The following GPATCH1 variants were observed in gnomAD, a reference collection of about 807,000 sequenced individuals.
GPATCH1 encodes G patch domain-containing protein 1.
A neutral mutation model predicts 114.9 loss-of-function variants in GPATCH1; 73 were observed. The observed-to-expected ratio is 0.64, with a 90% CI of 0.53 to 0.77. GPATCH1 has a LOEUF of 0.77. Among genes scored for constraint, GPATCH1 ranks in the 30% least tolerant of loss-of-function variants. The probability of loss-of-function intolerance (pLI) is 0.00; values close to 1 mark genes in which losing one functional copy is unlikely to be tolerated. For synonymous variants in GPATCH1, 391 were observed against 428.4 expected (o/e 0.91, Z 1.08); for missense variants, 1,058 against 1,144.3 (o/e 0.92, Z 1.09).
chr19:33,085,505 C>A (rs900894131), intron 1 of GPATCH1, among the ~76,000 whole-genome samples: 1 of 152,080 alleles, frequency 6.6e-6, no homozygotes, highest in Admixed American at 6.6e-5. Flanking sequence ...AGCCACTGCA[C>A]CTGACTCCCC....
In GPATCH1 at chr19:33,109,959, C is replaced by T; in HGVS notation, c.1528C>T (p.Pro510Ser). Residue 510 changes from proline (P) to serine (S), a missense_variant, in exon 11 of 20, where the codon CCG becomes TCG. Transcript: ENST00000170564. The part of the protein sequence containing the change: ...ASNFKPFAKD[P>S]EKQKRYDEFL... ...CAACTTCAAGCCTTTCGCCAAAGAT[C>T]CGGAAAAGCAAAAGCGATACGACGA... 1 of 1,614,046 alleles carries T rather than the reference C, an allele frequency of 6.2e-7. No individual in the cohort carries two copies. Among genetic ancestry groups the T allele is most frequent in the Non-Finnish European group, 8.5e-7 (1 of 1,179,994 alleles).
At chr19:33,110,076 T>A (rs1269716103) in intron 11 of GPATCH1, 60 bp downstream of exon 11, 4 of 1,398,576 alleles carry the variant, frequency 2.9e-6, no homozygotes, top group Non-Finnish European at 3.9e-6. Flanking sequence ...TTCTCACTGT[T>A]CTCATCCTAG....
chr19:33,098,107 G>A (rs1972684600), intron 8 of GPATCH1, among the ~76,000 whole-genome samples: 1 of 152,224 alleles, frequency 6.6e-6, no homozygotes, highest in Non-Finnish European at 1.5e-5. Flanking sequence ...CTGTCAAGGT[G>A]GGGCCCAGGT....
At chr19:33,106,556 G>A in intron 9 of GPATCH1, 139 bp from the exon 10 acceptor site, 1 of 672,030 alleles carries the variant, frequency 1.5e-6, no homozygotes, top group Admixed American at 2.4e-5. Flanking sequence ...TGGCCAGCCT[G>A]TTCTTGTGCT....
chr19:33,104,744 G>T (rs1287561157), intron 9 of GPATCH1, among the ~76,000 whole-genome samples: 5 of 152,132 alleles, frequency 3.3e-5, no homozygotes, highest in Non-Finnish European at 7.4e-5. Context: ...AGGGGTCAGT[G>T]CTTTCAGCCA....
chr19:33,088,196 T>G lies in GPATCH1; in HGVS notation c.136T>G (p.Tyr46Asp), dbSNP rs758280196. Residue 46 changes from tyrosine (Y) to aspartate (D), a missense_variant, in exon 2 of 20, where the codon TAT (tyrosine) becomes GAT (aspartate). By Grantham distance (160) the Tyr-to-Asp change is radical (BLOSUM62 -3). Transcript: ENST00000170564. The stretch of plus-strand genomic sequence containing the variant: ...GACTGTCAGAGATGAAAAAGGAAGG[T>G]ATAAACGATTCCACGGGGCCTTTAG... ...DQTVRDEKGRYKRFHGAFSGG... is the reference protein window; with the variant it reads ...DQTVRDEKGRDKRFHGAFSGG... 1.9e-6 allele frequency: 3 copies of G among 1,600,322 alleles called. No individual in the cohort carries two copies. Among genetic ancestry groups the G allele is most frequent in the Non-Finnish European group, 1.7e-6 (2 of 1,170,748 alleles).
At chr19:33,128,956 T>A (rs1401730908) in intron 19 of GPATCH1, among the ~76,000 whole-genome samples, 1 of 151,982 alleles carries the variant, frequency 6.6e-6, no homozygotes. Flanking sequence ...ATGTATGAAA[T>A]TCAGATTTAG....
rs373714976 is a variant in GPATCH1 at position 33,126,661 on chromosome 19, A to C, written c.2693A>C (p.Glu898Ala). Residue 898 changes from glutamate to alanine, a missense_variant, in exon 19 of 20, where the codon GAG becomes GCG. By Grantham distance (107) the Glu-to-Ala change is moderately radical (BLOSUM62 -1). Around this residue, in one of 3 missense-constraint regions of GPATCH1, gnomAD observed 893 missense variants for 977.4 expected, o/e 0.91. Coordinates refer to ENST00000170564, the MANE Select transcript of GPATCH1 (RefSeq NM_018025.3). ...NKKPEKSSSS[E>A]SSDSSDSQSD... is the part of the protein sequence containing the mutation. ...AAACCAGAGAAAAGTAGTAGCTCCG[A>C]GAGTTCCGACAGCAGCGACAGCCAG... 69 of 1,614,070 alleles carry C rather than the reference A, an allele frequency of 4.3e-5. No homozygotes were observed. The highest frequency in any genetic ancestry group is 5.6e-5 in the Non-Finnish European group (66 of 1,180,036).
At chr19:33,117,227 G>T (rs1175912991) in intron 15 of GPATCH1, among the ~76,000 whole-genome samples, 1 of 152,036 alleles carries the variant, frequency 6.6e-6, no homozygotes, top group South Asian at 2.1e-4. Flanking sequence ...TTATTCCTCT[G>T]TACATAATGA....
intron 19 of GPATCH1, among the ~76,000 whole-genome samples, chr19:33,129,500 A>G (rs1332655527): frequency 2.0e-5 from 3 of 151,982 alleles, no homozygotes; most frequent in African/African-American, 7.3e-5. Context: ...CATGCAACGG[A>G]TGCGGTAGGT....
chr19:33,093,481 T>C lies in GPATCH1; in HGVS notation c.417T>C (p.Pro139=). 1 of 1,614,010 alleles carries C rather than the reference T, an allele frequency of 6.2e-7. No individual in the cohort carries two copies. Among genetic ancestry groups the C allele is most frequent in the East Asian group, 2.2e-5 (1 of 44,872 alleles). ...RQLAAATAPI[P]GATLLDDLIT... ...TGGCCGCTGCTACTGCCCCTATTCCTGGAGCCACCCTCCTTGATGACCTCA... is the reference window on the plus strand; with the variant it reads ...TGGCCGCTGCTACTGCCCCTATTCCCGGAGCCACCCTCCTTGATGACCTCA... Residue 139 remains proline (P), a synonymous_variant, in exon 4 of 20, where the codon CCT becomes CCC. Coordinates refer to ENST00000170564, the MANE Select transcript of GPATCH1 (RefSeq NM_018025.3).
chr19:33,126,549 A>G (rs1306467422), intron 18 of GPATCH1, 39 bp from the exon 19 acceptor site: 2 of 1,607,266 alleles, frequency 1.2e-6, no homozygotes, highest in African/African-American at 1.3e-5. Flanking sequence ...GGAGGAAAAA[A>G]TACATTTGTT....
chr19:33,126,669 G>C lies in GPATCH1; in HGVS notation c.2701G>C (p.Asp901His), dbSNP rs745453494. The C allele has an allele frequency of 3.3e-5, 53 of 1,613,972 alleles. No individual in the cohort carries two copies. The highest frequency in any genetic ancestry group is 4.2e-5 in the Non-Finnish European group (50 of 1,179,998). The part of the protein sequence containing the change: ...PEKSSSSESS[D>H]SSDSQSDEET... ...GAAAAGTAGTAGCTCCGAGAGTTCC[G>C]ACAGCAGCGACAGCCAGAGTGACGA... is the stretch of plus-strand genomic sequence containing the variant. Residue 901 changes from aspartate to histidine, a missense_variant, in exon 19 of 20, where the codon GAC (aspartate) becomes CAC (histidine). Around this residue, in one of 3 missense-constraint regions of GPATCH1, gnomAD observed 893 missense variants for 977.4 expected, o/e 0.91. Transcript: ENST00000170564.
At chr19:33,126,869 C>T (rs545404863) in intron 19 of GPATCH1, 136 bp downstream of exon 19, 10 of 731,196 alleles carry the variant, frequency 1.4e-5, no homozygotes, top group Middle Eastern at 3.7e-4. Flanking sequence ...ATAATCCCAG[C>T]ACTTTGGGAG....
intron 19 of GPATCH1, among the ~76,000 whole-genome samples, chr19:33,129,353 G>C (rs944365411): frequency 6.6e-6 from 1 of 150,756 alleles, no homozygotes; most frequent in Non-Finnish European, 1.5e-5. Context: ...TGGGAGGATC[G>C]CTTGAGCCCA....
rs538163912 is a variant in GPATCH1 at position 33,105,739 on chromosome 19, G to C, written c.1081-956G>C. ...GGGTTTCACCATGTTGGCCAGGCTG[G>C]TCTTGAACTCTTGACCTTAAGTGAT... On this transcript the variant is annotated intron_variant, in intron 9 of 19. Coordinates refer to ENST00000170564, the MANE Select transcript of GPATCH1 (RefSeq NM_018025.3). 2.8e-4 allele frequency among the ~76,000 whole-genome samples: 43 copies of C among 152,104 alleles called. 1 individual carries two copies. The highest frequency in any genetic ancestry group is 9.6e-4 in the African/African-American group (40 of 41,526).
chr19:33,129,327 C>T (rs1034936160), intron 19 of GPATCH1, among the ~76,000 whole-genome samples: 4 of 151,298 alleles, frequency 2.6e-5, no homozygotes, highest in East Asian at 1.9e-4. Context: ...AATCCCAATA[C>T]CTTGGGAGGT....
intron 18 of GPATCH1, among the ~76,000 whole-genome samples, chr19:33,126,184 C>T (rs957421490): frequency 1.3e-5 from 2 of 152,234 alleles, no homozygotes; most frequent in African/African-American, 4.8e-5. Flanking sequence ...CTGCCAGTTT[C>T]TTCCTTGTGG....
At chr19:33,109,190 C>T (rs12462509) in intron 10 of GPATCH1, among the ~76,000 whole-genome samples, 3,131 of 152,008 alleles carry the variant, frequency 0.021, 104 homozygotes, top group East Asian at 0.12. Context: ...GTACTCCAGT[C>T]CAGGTGACAC....
Sources: allele counts gnomAD v4.1 joint callset (sites outside exome capture counted in the v4.1 genomes callset), GRCh38; gene constraint gnomAD v4.1.1; regional missense constraint gnomAD v4.1.1; transcripts MANE v1.5; gene names NCBI Gene and HGNC (gene_info 2026-07-23, HGNC 2026-07-21).